Variants in IQGAP2 observed in about 807,000 individuals in gnomAD.
The protein encoded by IQGAP2 is IQ motif containing GTPase activating protein 2.
IQGAP2 carries 173 observed loss-of-function variants against 201.3 expected under a neutral mutation model. That is an observed-to-expected ratio of 0.86 (90% confidence interval 0.76 to 0.98). IQGAP2 has a LOEUF of 0.98. Ranked by LOEUF, IQGAP2 falls within the 50% of genes least tolerant of loss-of-function variation. IQGAP2 has a pLI of 0.00. For missense variants in IQGAP2, 1,687 were observed against 1,864.8 expected (o/e 0.90, Z 1.76); for synonymous variants, 675 against 673.9 (o/e 1.00, Z -0.03).
intron 13 of IQGAP2, among the ~76,000 whole-genome samples, chr5:76,625,953 A>G (rs1025625682): frequency 6.6e-6 from 1 of 152,234 alleles, no homozygotes; most frequent in African/African-American, 2.4e-5. Context: ...ATCTCAGAAA[A>G]GATTTTATAA....
chr5:76,500,879 A>G (rs1461964801), intron 2 of IQGAP2, among the ~76,000 whole-genome samples: 3 of 152,276 alleles, frequency 2.0e-5, no homozygotes, highest in East Asian at 1.9e-4. Flanking sequence ...GCAGCTCCCC[A>G]TTTTACAGAT....
intron 2 of IQGAP2, among the ~76,000 whole-genome samples, chr5:76,527,084 A>G (rs535511361): frequency 1.3e-5 from 2 of 152,338 alleles, no homozygotes; most frequent in South Asian, 4.1e-4. Context: ...CCCTTGGGTC[A>G]TGGCTAACAC....
chr5:76,533,561 G>A (rs2150210031), intron 2 of IQGAP2, among the ~76,000 whole-genome samples: 1 of 151,086 alleles, frequency 6.6e-6, no homozygotes, highest in South Asian at 2.1e-4. Flanking sequence ...TTTTTCTTGA[G>A]ATGGAGTCTC....
intron 18 of IQGAP2, among the ~76,000 whole-genome samples, chr5:76,653,477 C>A (rs189080496): frequency 1.3e-5 from 2 of 152,100 alleles, no homozygotes; most frequent in Non-Finnish European, 2.9e-5. Flanking sequence ...ATCTTTCAGG[C>A]CAGGCTTAGT....
intron 1 of IQGAP2, among the ~76,000 whole-genome samples, chr5:76,456,467 A>T (rs1377571966): frequency 6.6e-6 from 1 of 152,182 alleles, no homozygotes; most frequent in African/African-American, 2.4e-5. Flanking sequence ...AAATTTACAG[A>T]GGGTATCAGC....
At chr5:76,541,473 G>A (rs773627343) in intron 2 of IQGAP2, among the ~76,000 whole-genome samples, 1 of 152,188 alleles carries the variant, frequency 6.6e-6, no homozygotes, top group Non-Finnish European at 1.5e-5. Context: ...TGGTGATCAT[G>A]ACTGATGCTG....
chr5:76,623,043 T>A, intron 13 of IQGAP2: 1 of 831,846 alleles, frequency 1.2e-6, no homozygotes, highest in South Asian at 1.6e-5. Flanking sequence ...CTTTTAATAA[T>A]AAAGATCAAA....
rs1746446902 is a variant in IQGAP2, at chr5:76,693,379, G to C, written c.3930G>C (p.Val1310=). 1 of 1,613,830 alleles carries C rather than the reference G, an allele frequency of 6.2e-7. No homozygotes were observed. Among genetic ancestry groups the C allele is most frequent in the Non-Finnish European group, 8.5e-7 (1 of 1,179,796 alleles). The change falls in exon 31 of 36, where the codon GTG becomes GTC. Residue 1310 remains valine (V), a synonymous_variant. Transcript: ENST00000274364. ...MIKTKKLIID[V]IRNQPGNTLT... The stretch of plus-strand genomic sequence containing the variant: ...GGACCAAGAAGCTGATAATTGATGT[G>C]ATCCGGAACCAGCCAGGGAACACAT...
intron 21 of IQGAP2, among the ~76,000 whole-genome samples, chr5:76,661,853 C>T (rs934813462): frequency 9.9e-5 from 15 of 152,090 alleles, no homozygotes; most frequent in Non-Finnish European, 2.1e-4. Flanking sequence ...TCTACAAAAA[C>T]GTTTATATCA....
chr5:76,419,393 G>A (rs1176710463), intron 1 of IQGAP2, among the ~76,000 whole-genome samples: 4 of 152,014 alleles, frequency 2.6e-5, no homozygotes, highest in African/African-American at 9.7e-5. Flanking sequence ...CTGGAGTACA[G>A]TGGCATGGTC....
intron 1 of IQGAP2, among the ~76,000 whole-genome samples, chr5:76,447,100 G>A (rs977772190): frequency 1.3e-5 from 2 of 152,082 alleles, no homozygotes; most frequent in Admixed American, 6.5e-5. Context: ...GTTAAGAGCC[G>A]TTGTCGGCCA....
intron 29 of IQGAP2, 131 bp downstream of exon 29, chr5:76,683,348 A>C: frequency 3.4e-6 from 2 of 589,332 alleles, no homozygotes; most frequent in East Asian, 5.9e-5. Flanking sequence ...ATATTTAAAG[A>C]ATAACAACTA....
chr5:76,611,354 TG>T (rs970032729), intron 13 of IQGAP2, among the ~76,000 whole-genome samples, 171 bp downstream of exon 13: 1 of 152,076 alleles, frequency 6.6e-6, no homozygotes, highest in Non-Finnish European at 1.5e-5. Flanking sequence ...TAACAAACAT[TG>T]GGGGGAAACC....
chr5:76,592,960 T>A, intron 9 of IQGAP2, 35 bp downstream of exon 9: 4 of 1,389,766 alleles, frequency 2.9e-6, no homozygotes, highest in Non-Finnish European at 4.1e-6. Flanking sequence ...AATTGATATT[T>A]CCGTAAGATA....
At chr5:76,634,892 A>G (rs1037485409) in intron 15 of IQGAP2, among the ~76,000 whole-genome samples, 9 of 120,242 alleles carry the variant, frequency 7.5e-5, no homozygotes, top group Non-Finnish European at 1.5e-4. Context: ...AACTGTAATC[A>G]GTCTTTTTTC....
At chr5:76,605,711 T>C (rs1747758207) in intron 11 of IQGAP2, among the ~76,000 whole-genome samples, 1 of 152,168 alleles carries the variant, frequency 6.6e-6, no homozygotes, top group Non-Finnish European at 1.5e-5. Context: ...AGGGTTGTAG[T>C]AGAAAAGGTC....
At position 76,611,100 on chromosome 5, in the gene IQGAP2, A is replaced by C. The variant is rs1561507704; in HGVS notation, c.1438A>C (p.Thr480Pro). The part of the protein sequence containing the change: ...LRTLETLLLP[T>P]ANISDVDPAH... ...GACTTTAGAAACTTTGCTCCTACCT[A>C]CTGCGAATATTAGTGATGTGGACCC... Residue 480 changes from threonine (T) to proline (P), a missense_variant, in exon 13 of 36, where the codon ACT becomes CCT. Coordinates refer to ENST00000274364, the MANE Select transcript of IQGAP2 (RefSeq NM_006633.5). 3 of 1,613,930 alleles carry C rather than the reference A, an allele frequency of 1.9e-6. No individual in the cohort carries two copies.
intron 14 of IQGAP2, among the ~76,000 whole-genome samples, chr5:76,630,060 T>C (rs1252459449): frequency 3.3e-5 from 5 of 152,226 alleles, no homozygotes; most frequent in South Asian, 4.1e-4. Flanking sequence ...TAGGCAAAAC[T>C]CTATTATCTT....
At chr5:76,434,109 C>G (rs1752523988) in intron 1 of IQGAP2, among the ~76,000 whole-genome samples, 1 of 152,132 alleles carries the variant, frequency 6.6e-6, no homozygotes, top group South Asian at 2.1e-4. Context: ...ACCGTATTCT[C>G]TAGGCTTGGT....
Sources: allele counts gnomAD v4.1 joint callset (sites outside exome capture counted in the v4.1 genomes callset), GRCh38; gene constraint gnomAD v4.1.1; transcripts MANE v1.5; gene names NCBI Gene and HGNC (gene_info 2026-07-23, HGNC 2026-07-21).